Variants in YPEL1 observed in about 807,000 individuals in gnomAD.
YPEL1 encodes yippee like 1, also known as protein yippee-like 1.
Under a neutral mutation model 17.3 loss-of-function variants are expected in YPEL1, and 7 were observed. The observed-to-expected ratio is 0.40, with a 90% CI of 0.23 to 0.76. The LOEUF (loss-of-function observed/expected upper bound fraction) is 0.76, where lower values mean the gene tolerates loss of function less well. YPEL1 is among the 30% of genes least tolerant of loss of function. The pLI, the probability that YPEL1 is intolerant of heterozygous loss-of-function variation, is 0.35. For missense variants in YPEL1, 91 were observed against 155.5 expected, an observed-to-expected ratio of 0.59 and a Z score of 2.21; for synonymous variants, 59 against 59.6, an observed-to-expected ratio of 0.99 and a Z score of 0.05.
chr22:21,735,090 T>G (rs2068423578), intron 1 of YPEL1, among the ~76,000 whole-genome samples: 1 of 152,180 alleles, frequency 6.6e-6, no homozygotes, highest in Admixed American at 6.5e-5. Flanking sequence ...GGACCCTGTT[T>G]AGATCTCTGA....
At chr22:21,724,579 T>C (rs958738273) in intron 1 of YPEL1, among the ~76,000 whole-genome samples, 6 of 151,696 alleles carry the variant, frequency 4.0e-5, no homozygotes, top group African/African-American at 1.5e-4. Context: ...TTTCTTTTTT[T>C]TTTTTTTTGT....
intron 1 of YPEL1, among the ~76,000 whole-genome samples, chr22:21,712,839 T>TA (rs1443215572): frequency 2.0e-5 from 3 of 151,766 alleles, no homozygotes; most frequent in African/African-American, 7.3e-5. Context: ...ACAATCTGAT[T>TA]AAAAAATGGA....
At chr22:21,719,204 C>T (rs1343841154) in intron 1 of YPEL1, among the ~76,000 whole-genome samples, 3 of 152,198 alleles carry the variant, frequency 2.0e-5, no homozygotes, top group African/African-American at 7.2e-5. Context: ...CTCTGCTCTC[C>T]TGTCCACATG....
intron 1 of YPEL1, among the ~76,000 whole-genome samples, chr22:21,713,730 T>TA (rs772367178): frequency 6.6e-6 from 1 of 152,178 alleles, no homozygotes; most frequent in Non-Finnish European, 1.5e-5. Context: ...TGGTAAGAGT[T>TA]ATGTGTACTG....
chr22:21,721,728 A>AT (rs1003910650), intron 1 of YPEL1, among the ~76,000 whole-genome samples: 6 of 151,416 alleles, frequency 4.0e-5, no homozygotes, highest in South Asian at 2.1e-4. Context: ...CCGGCCCAAC[A>AT]TTTTTTTTTC....
At chr22:21,701,344 G>T in intron 4 of YPEL1, 126 bp from the exon 5 acceptor site, 1 of 650,112 alleles carries the variant, frequency 1.5e-6, no homozygotes, top group Non-Finnish European at 2.6e-6. Flanking sequence ...CCTGAGCGGT[G>T]CACTCATCCG....
chr22:21,709,698 C>T (rs1247608710), intron 2 of YPEL1, among the ~76,000 whole-genome samples: 1 of 152,206 alleles, frequency 6.6e-6, no homozygotes, highest in East Asian at 1.9e-4. Flanking sequence ...AAACTTTGTT[C>T]CCAAAGTGGT....
At chr22:21,722,001 G>A (rs1279968791) in intron 1 of YPEL1, among the ~76,000 whole-genome samples, 2 of 152,210 alleles carry the variant, frequency 1.3e-5, no homozygotes, top group African/African-American at 4.8e-5. Flanking sequence ...ATTTCACTGA[G>A]CACATAATGT....
chr22:21,715,022 C>A (rs919370516), intron 1 of YPEL1, among the ~76,000 whole-genome samples: 9 of 152,122 alleles, frequency 5.9e-5, no homozygotes, highest in Admixed American at 5.2e-4. Flanking sequence ...GTGGACATGA[C>A]TGTGCCTGTG....
chr22:21,720,168 ACT>A (rs1197381218), intron 1 of YPEL1, among the ~76,000 whole-genome samples: 3 of 120,724 alleles, frequency 2.5e-5, no homozygotes, highest in African/African-American at 6.1e-5. Flanking sequence ...ACAGAGCGAG[ACT>A]CTGTATCAAA....
At chr22:21,732,166 G>A (rs975876562) in intron 1 of YPEL1, among the ~76,000 whole-genome samples, 1 of 152,178 alleles carries the variant, frequency 6.6e-6, no homozygotes, top group Admixed American at 6.5e-5. Context: ...TAACGTCCTG[G>A]CATTTGCTGG....
chr22:21,731,854 A>T (rs1458136593), intron 1 of YPEL1, among the ~76,000 whole-genome samples: 1 of 152,198 alleles, frequency 6.6e-6, no homozygotes, highest in African/African-American at 2.4e-5. Flanking sequence ...AGTCAGAGTC[A>T]CATGAGATGT....
chr22:21,734,867 T>C (rs754651735), intron 1 of YPEL1, among the ~76,000 whole-genome samples: 1 of 152,052 alleles, frequency 6.6e-6, no homozygotes, highest in Non-Finnish European at 1.5e-5. Context: ...AAGAATAACA[T>C]TCTTAGCAAA....
intron 1 of YPEL1, among the ~76,000 whole-genome samples, chr22:21,719,316 T>G (rs1212344999): frequency 2.0e-5 from 3 of 152,220 alleles, no homozygotes; most frequent in African/African-American, 7.2e-5. Flanking sequence ...CTGACTTCAC[T>G]TCTTACTGAA....
At chr22:21,723,513 G>A (rs1323883492) in intron 1 of YPEL1, among the ~76,000 whole-genome samples, 1 of 152,094 alleles carries the variant, frequency 6.6e-6, no homozygotes, top group Non-Finnish European at 1.5e-5. Flanking sequence ...GATTACAGGT[G>A]CAGGCCATTA....
chr22:21,731,319 G>A (rs146625050), intron 1 of YPEL1, among the ~76,000 whole-genome samples: 2,660 of 146,760 alleles, frequency 0.018, 74 homozygotes, highest in African/African-American at 0.064. Context: ...ATGACAGAGT[G>A]AGACCCTGTG....
intron 1 of YPEL1, among the ~76,000 whole-genome samples, chr22:21,727,545 C>T (rs1467631187): frequency 6.6e-6 from 1 of 152,182 alleles, no homozygotes; most frequent in Non-Finnish European, 1.5e-5. Flanking sequence ...AGAGCAAAAA[C>T]AATTTTCTGG....
At chr22:21,717,951 C>G (rs575888173) in intron 1 of YPEL1, among the ~76,000 whole-genome samples, 1 of 145,906 alleles carries the variant, frequency 6.9e-6, no homozygotes, top group African/African-American at 2.4e-5. Context: ...ACAGTGAGAC[C>G]CTGTCTCTAC....
At chr22:21,714,014 A>C (rs2068196837) in intron 1 of YPEL1, among the ~76,000 whole-genome samples, 1 of 152,108 alleles carries the variant, frequency 6.6e-6, no homozygotes, top group Admixed American at 6.5e-5. Flanking sequence ...CAGTGTCCTC[A>C]CACCTGCTCC....
Sources: gnomAD v4.1 joint callset for allele counts (sites outside exome capture counted in the v4.1 genomes callset) on GRCh38, gnomAD v4.1.1 for gene constraint, MANE v1.5 for transcripts, NCBI Gene and HGNC (gene_info 2026-07-23, HGNC 2026-07-21) for gene names.